Variants in SLIT2 observed in about 807,000 individuals in gnomAD.
SLIT2 encodes slit guidance ligand 2, also known as slit homolog 2 protein.
SLIT2 carries 41 observed loss-of-function variants against 185.7 expected under a neutral mutation model. The ratio of observed to expected loss-of-function variants is 0.22; its 90% CI spans 0.17 to 0.29. SLIT2 has a LOEUF of 0.29. SLIT2 is among the 10% of genes least tolerant of loss of function. The probability of loss-of-function intolerance (pLI) is 1.00; values close to 1 mark genes in which losing one functional copy is unlikely to be tolerated. For missense variants in SLIT2, 1,571 were observed against 1,909.0 expected (o/e 0.82, Z 3.30); for synonymous variants, 693 against 680.2 (o/e 1.02, Z -0.29).
chr4:20,343,990 A>G (rs1040153601), intron 4 of SLIT2, among the ~76,000 whole-genome samples: 1 of 151,996 alleles, frequency 6.6e-6, no homozygotes, highest in Non-Finnish European at 1.5e-5. Context: ...AACTGGGACT[A>G]CAGATGTGCA....
chr4:20,423,833 A>C (rs1728348693), intron 4 of SLIT2, among the ~76,000 whole-genome samples: 1 of 152,170 alleles, frequency 6.6e-6, no homozygotes. Context: ...AGAATGGATG[A>C]TTATGAGTTC....
At chr4:20,283,178 AT>A (rs1327050815) in intron 4 of SLIT2, among the ~76,000 whole-genome samples, 2 of 152,046 alleles carry the variant, frequency 1.3e-5, no homozygotes, top group Non-Finnish European at 2.9e-5. Flanking sequence ...GGACTTTAAC[AT>A]TTTATAGCTT....
chr4:20,454,272 C>T (rs1467472037), intron 4 of SLIT2, among the ~76,000 whole-genome samples: 1 of 152,098 alleles, frequency 6.6e-6, no homozygotes, highest in Admixed American at 6.6e-5. Context: ...AAATATCTCT[C>T]TTTTATGTGA....
intron 4 of SLIT2, among the ~76,000 whole-genome samples, chr4:20,396,110 A>T (rs544437456): frequency 6.6e-6 from 1 of 152,024 alleles, no homozygotes; most frequent in East Asian, 1.9e-4. Flanking sequence ...TATAATAACA[A>T]AAACAAAATT....
intron 2 of SLIT2, 42 bp downstream of exon 2, chr4:20,256,785 G>A (rs753456190): frequency 9.8e-7 from 1 of 1,020,758 alleles, no homozygotes; most frequent in South Asian, 1.5e-5. Context: ...TTTTAAGGTT[G>A]CATATTTTGA....
At chr4:20,457,123 C>T (rs529661547) in intron 4 of SLIT2, among the ~76,000 whole-genome samples, 2 of 151,886 alleles carry the variant, frequency 1.3e-5, no homozygotes, top group African/African-American at 4.8e-5. Flanking sequence ...AAGTATAATA[C>T]CAATTTTCTA....
chr4:20,591,348 G>A (rs1319170684), intron 30 of SLIT2, among the ~76,000 whole-genome samples: 2 of 152,060 alleles, frequency 1.3e-5, no homozygotes, highest in African/African-American at 4.8e-5. Context: ...GGTCAGAATC[G>A]CCAGATCCCC....
At position 20,268,653 on chromosome 4, in the gene SLIT2, A is replaced by C. The variant is rs538656177; in HGVS notation, c.324-157A>C. Among the ~76,000 whole-genome samples the C allele has an allele frequency of 3.8e-4, 58 of 152,042 alleles. No homozygotes were observed. The South Asian group carries it at 0.012, about 31-fold the overall frequency. ...ACTGCTGTAAAGAGTCATGTAACAA[A>C]AGGTGTAACCAACTTTTGATTTGCA... On this transcript the variant is annotated intron_variant, in intron 3 of 36. Coordinates refer to ENST00000504154, the MANE Select transcript of SLIT2 (RefSeq NM_004787.4).
chr4:20,593,497 G>C (rs903306029), intron 30 of SLIT2, among the ~76,000 whole-genome samples: 5 of 151,966 alleles, frequency 3.3e-5, no homozygotes, highest in African/African-American at 1.2e-4. Context: ...GGAAGATGTT[G>C]GTCAGTGGCA....
intron 30 of SLIT2, among the ~76,000 whole-genome samples, chr4:20,593,470 T>C (rs1324079325): frequency 3.9e-5 from 6 of 152,028 alleles, no homozygotes; most frequent in Admixed American, 6.6e-5. Flanking sequence ...TTACCAGGAA[T>C]TGGGGTGGGG....
chr4:20,500,822 A>T (rs556816), intron 9 of SLIT2, among the ~76,000 whole-genome samples: 70,936 of 151,926 alleles, frequency 0.47, 17,315 homozygotes, highest in Middle Eastern at 0.64. Context: ...TTGCGTTCTC[A>T]AATTTTCTTC....
chr4:20,569,017 G>A lies in SLIT2; in HGVS notation c.3088+13G>A. 1 of 1,609,882 alleles carries A rather than the reference G, an allele frequency of 6.2e-7. No individual in the cohort carries two copies. The highest frequency in any genetic ancestry group is 1.1e-5 in the South Asian group (1 of 91,018). On this transcript the variant is annotated intron_variant, in intron 29 of 36. Transcript: ENST00000504154. The stretch of plus-strand genomic sequence containing the variant: ...CCTGAGTATACAGGTACAAATAATA[G>A]GAAATATTTTGCCTTCCATCAGTAT...
intron 29 of SLIT2, among the ~76,000 whole-genome samples, chr4:20,585,990 T>C (rs1301101546): frequency 6.6e-6 from 1 of 152,190 alleles, no homozygotes; most frequent in African/African-American, 2.4e-5. Context: ...ATCTCTATTC[T>C]TCCTGGAAAA....
intron 4 of SLIT2, among the ~76,000 whole-genome samples, chr4:20,408,648 G>A (rs1436263932): frequency 6.6e-6 from 1 of 152,044 alleles, no homozygotes; most frequent in African/African-American, 2.4e-5. Context: ...TTGGGATCAA[G>A]GCCATTTCTA....
chr4:20,463,530 T>TGTGTGTGTGC, intron 4 of SLIT2, among the ~76,000 whole-genome samples: 1 of 143,894 alleles, frequency 6.9e-6, no homozygotes, highest in African/African-American at 2.6e-5. Context: ...TGTGTGTGTG[T>TGTGTGTGTGC]GTGTGTGTGT....
chr4:20,320,739 T>C (rs1268549388), intron 4 of SLIT2, among the ~76,000 whole-genome samples: 1 of 152,184 alleles, frequency 6.6e-6, no homozygotes, highest in Non-Finnish European at 1.5e-5. Context: ...AACTATTACA[T>C]TTTTGTACAG....
At chr4:20,361,048 C>T (rs1722695088) in intron 4 of SLIT2, among the ~76,000 whole-genome samples, 1 of 152,090 alleles carries the variant, frequency 6.6e-6, no homozygotes, top group Non-Finnish European at 1.5e-5. Context: ...TCAGCATGTT[C>T]AATATTTGAT....
At chr4:20,359,767 G>A (rs557679343) in intron 4 of SLIT2, among the ~76,000 whole-genome samples, 2 of 152,052 alleles carry the variant, frequency 1.3e-5, no homozygotes, top group Non-Finnish European at 2.9e-5. Flanking sequence ...CAAATGTGGG[G>A]GAAGTAAGGA....
intron 4 of SLIT2, among the ~76,000 whole-genome samples, chr4:20,348,963 T>A (rs1721653527): frequency 6.6e-6 from 1 of 152,234 alleles, no homozygotes; most frequent in Admixed American, 6.5e-5. Context: ...TATGATGTTC[T>A]AATTAGCCTG....
Sources: allele counts gnomAD v4.1 joint callset (sites outside exome capture counted in the v4.1 genomes callset), GRCh38; gene constraint gnomAD v4.1.1; transcripts MANE v1.5; gene names NCBI Gene and HGNC (gene_info 2026-07-23, HGNC 2026-07-21).